Variants in MYH7B observed in about 807,000 individuals in gnomAD.
The protein encoded by MYH7B is myosin heavy chain 7B, also known as myosin-7B.
In MYH7B, 205 loss-of-function variants were observed where a neutral mutation model predicts 234.5. The observed-to-expected ratio is 0.87, with a 90% CI of 0.78 to 0.98. The LOEUF (loss-of-function observed/expected upper bound fraction) is 0.98. MYH7B is among the 50% of genes least tolerant of loss of function. MYH7B has a pLI of 0.00. For missense variants in MYH7B, 2,652 were observed against 2,633.4 expected, an observed-to-expected ratio of 1.01 and a Z score of -0.15; for synonymous variants, 1,193 against 1,105.0, an observed-to-expected ratio of 1.08 and a Z score of -1.58.
At chr20:34,987,940 T>C in intron 18 of MYH7B, 26 bp downstream of exon 18, 3 of 1,569,332 alleles carry the variant, frequency 1.9e-6, no homozygotes, top group Non-Finnish European at 2.6e-6. Context: ...CACCTTGGCC[T>C]CTGTTCTCTC....
Position 34,999,777 on chromosome 20 carries a change from C to G in MYH7B, c.4666-14C>G, listed in dbSNP as rs995061870. ...CCCCCCCCCCACCCTACCCTGCCTGCTCTGTATCCACAGGGGGCCCTGGAG... is the reference window on the plus strand; with the variant it reads ...CCCCCCCCCCACCCTACCCTGCCTGGTCTGTATCCACAGGGGGCCCTGGAG... On this transcript the variant is annotated splice_polypyrimidine_tract_variant and intron_variant, in intron 37 of 44. Transcript: ENST00000262873. 2.2e-6 allele frequency: 3 copies of G among 1,349,482 alleles called. No homozygotes were observed. The highest frequency in any genetic ancestry group is 2.9e-5 in the East Asian group (1 of 34,580). 83.6% of individuals were successfully genotyped at this position (1,349,482 alleles called of 1,614,324 possible). A position where few individuals can be genotyped will look rare whatever the true frequency, so the allele number is the denominator to read the frequency against.
chr20:35,000,490 A>G (rs1392039834), exon 39 of MYH7B: 3 of 1,600,264 alleles, frequency 1.9e-6, no homozygotes, highest in South Asian at 2.2e-5. Context: ...CTCAAGGAGG[A>G]GCAGGCAGGG....
rs769306299 is a variant in MYH7B at position 34,997,343 on chromosome 20, G to A, written c.3450G>A (p.Leu1150=). The change falls in exon 32 of 45, where the codon CTG becomes CTA. Residue 1150 remains leucine (L), a synonymous_variant. Transcript: ENST00000262873. ...AGCGTGCAGAGGCGGCGCGGGAGCT[G>A]GAGGAGCTGAGCGAGCGGCTGGAGG... 1,340 of 1,542,482 alleles carry A rather than the reference G, an allele frequency of 8.7e-4. No homozygotes were observed. The highest frequency in any genetic ancestry group is 1.0e-3 in the Non-Finnish European group (1,145 of 1,146,114).
chr20:35,000,687 C>G, exon 39 of MYH7B: 1 of 1,594,384 alleles, frequency 6.3e-7, no homozygotes, highest in Non-Finnish European at 8.5e-7. Flanking sequence ...TCTGCATTCG[C>G]AGGTGGGGAC....
At chr20:34,997,096 C>G in exon 31 of MYH7B, 1 of 1,548,178 alleles carries the variant, frequency 6.5e-7, no homozygotes, top group Non-Finnish European at 8.7e-7. Context: ...GGACTCCGAG[C>G]TGAGCCAGCT....
intron 19 of MYH7B, 73 bp from the exon 20 acceptor site, chr20:34,989,666 TG>T: frequency 2.8e-6 from 4 of 1,450,930 alleles, no homozygotes; most frequent in Non-Finnish European, 2.8e-6. Context: ...GGAGGTGGCC[TG>T]GGGAACCAGG....
chr20:34,999,219 A>C lies in MYH7B; in HGVS notation c.4354A>C (p.Lys1452Gln), dbSNP rs781305185. ...CTCAGCAGCTGCTGCGCTGGACAAG[A>C]AGCAGCGGCACTTGGAACGGGCACT... The change falls in exon 36 of 45, where the codon AAG becomes CAG. Residue 1452 changes from lysine (K) to glutamine (Q), a missense_variant. This residue lies in a region of MYH7B where 2,279 missense variants were observed against 2,211.4 expected (regional missense o/e 1.03). Transcript: ENST00000262873. 59 of 1,611,426 alleles carry C rather than the reference A, an allele frequency of 3.7e-5. No homozygotes were observed. The highest frequency in any genetic ancestry group is 1.0e-4 in the Admixed American group (6 of 59,404).
intron 5 of MYH7B, among the ~76,000 whole-genome samples, chr20:34,979,111 G>A (rs893721992): frequency 6.6e-6 from 1 of 152,150 alleles, no homozygotes; most frequent in African/African-American, 2.4e-5. Flanking sequence ...AGAGAATCAG[G>A]GATTTTCCTG....
chr20:34,967,819 G>A lies in MYH7B; in HGVS notation c.-221-7581G>A, dbSNP rs115302920. ...GGGAAACTGACCAAGCCTGGGGCAA[G>A]CCCATCCTGAGACCCCAGGCAGGGC... On this transcript the variant is annotated intron_variant, in intron 2 of 44. Transcript: ENST00000262873. Among the ~76,000 whole-genome samples the A allele has an allele frequency of 4.4e-3, 676 of 152,328 alleles. 3 individuals are homozygous for A. Among genetic ancestry groups the A allele is most frequent in the African/African-American group, 0.016 (650 of 41,568 alleles).
chr20:35,000,255 C>A, intron 38 of MYH7B, 38 bp from the exon 39 acceptor site: 3 of 1,537,698 alleles, frequency 2.0e-6, no homozygotes, highest in Non-Finnish European at 2.6e-6. Flanking sequence ...CAGGTATGCC[C>A]TTACGAGACC....
chr20:34,987,267 C>T (rs1163966202), exon 16 of MYH7B: 19 of 1,611,044 alleles, frequency 1.2e-5, no homozygotes, highest in African/African-American at 8.0e-5. Context: ...GAGGAGCAGG[C>T]GGAGGCCGAT....
intron 2 of MYH7B, among the ~76,000 whole-genome samples, chr20:34,970,451 C>T (rs1425231553): frequency 6.6e-6 from 1 of 152,204 alleles, no homozygotes; most frequent in Non-Finnish European, 1.5e-5. Flanking sequence ...CCCAGAGTTA[C>T]AGATGGGAAC....
At chr20:34,981,649 G>T (rs966121383) in intron 9 of MYH7B, 1 of 152,404 alleles carries the variant, frequency 6.6e-6, no homozygotes, top group Non-Finnish European at 1.5e-5. Flanking sequence ...TCAGGAGTTC[G>T]AGACCAGCCT....
chr20:35,000,229 T>C, intron 38 of MYH7B, 64 bp from the exon 39 acceptor site: 11 of 1,501,020 alleles, frequency 7.3e-6, no homozygotes, highest in Non-Finnish European at 9.7e-6. Context: ...CAACGGTCCT[T>C]GGGCATTTGT....
At chr20:34,999,179 G>C (rs748828943) in exon 36 of MYH7B, 5 of 1,613,566 alleles carry the variant, frequency 3.1e-6, no homozygotes, top group Non-Finnish European at 4.2e-6. Context: ...TAACCCTGGA[G>C]CTGGAGCGGG....
At chr20:35,000,110 C>T (rs1193767162) in intron 38 of MYH7B, among the ~76,000 whole-genome samples, 183 bp from the exon 39 acceptor site, 5 of 152,192 alleles carry the variant, frequency 3.3e-5, no homozygotes, top group African/African-American at 1.2e-4. Context: ...CCTCTGTCTG[C>T]CTGGGCCTCA....
exon 29 of MYH7B, chr20:34,996,429 C>T (rs2082258809): frequency 4.3e-6 from 7 of 1,613,456 alleles, no homozygotes; most frequent in Non-Finnish European, 5.9e-6. Flanking sequence ...TGCAGGAGGC[C>T]CACCAACAGG....
intron 26 of MYH7B, among the ~76,000 whole-genome samples, chr20:34,993,725 ACT>A (rs1352786487): frequency 6.6e-6 from 1 of 151,880 alleles, no homozygotes; most frequent in Non-Finnish European, 1.5e-5. Flanking sequence ...GTCTTCCAAG[ACT>A]CTTGCGGGCC....
At chr20:34,996,946 A>G in intron 30 of MYH7B, 137 bp from the exon 31 acceptor site, 2 of 1,252,696 alleles carry the variant, frequency 1.6e-6, no homozygotes, top group Middle Eastern at 2.8e-4. Flanking sequence ...TCCAGGGCTG[A>G]GGCCTCAGGG....
Sources: allele counts gnomAD v4.1 joint callset (sites outside exome capture counted in the v4.1 genomes callset), GRCh38; gene constraint gnomAD v4.1.1; regional missense constraint gnomAD v4.1.1; transcripts MANE v1.5; gene names NCBI Gene and HGNC (gene_info 2026-07-23, HGNC 2026-07-21).